The following ERLEC1 variants were observed in gnomAD, a reference collection of about 807,000 sequenced individuals.
The protein encoded by ERLEC1 is ER lectin.
Under a neutral mutation model 68.0 loss-of-function variants are expected in ERLEC1, and 47 were observed. The observed-to-expected ratio is 0.69, with a 90% confidence interval of 0.55 to 0.88. The LOEUF (loss-of-function observed/expected upper bound fraction) is 0.88. Ranked by LOEUF, ERLEC1 falls within the 40% of genes least tolerant of loss-of-function variation. The pLI, the probability that ERLEC1 is intolerant of heterozygous loss-of-function variation, is 0.00. For synonymous variants in ERLEC1, 225 were observed against 203.2 expected, an observed-to-expected ratio of 1.11 and a Z score of -0.91; for missense variants, 567 against 583.8, an observed-to-expected ratio of 0.97 and a Z score of 0.30.
intron 8 of ERLEC1, among the ~76,000 whole-genome samples, chr2:53,804,730 T>C (rs1358033823): frequency 6.6e-6 from 1 of 152,128 alleles, no homozygotes; most frequent in Non-Finnish European, 1.5e-5. Flanking sequence ...TGTTGTTCTA[T>C]CAAGTAGTAG....
rs150756012 is a variant in ERLEC1, at chr2:53,812,946, T to C, written c.1102-3T>C. On this transcript the variant is annotated splice_region_variant and splice_polypyrimidine_tract_variant and intron_variant, in intron 10 of 13. Transcript: ENST00000185150. Reference sequence around the variant, plus strand: ...ATTATCACAAATTTTTTTCCCATATTAGGACAAGGATAGTGGGAAAACCTC... The same window carrying C: ...ATTATCACAAATTTTTTTCCCATATCAGGACAAGGATAGTGGGAAAACCTC... 5.8e-5 allele frequency: 93 copies of C among 1,601,120 alleles called. No homozygotes were observed. In the East Asian group the frequency reaches 1.9e-3, roughly 33 times the overall value.
intron 5 of ERLEC1, 94 bp downstream of exon 5, chr2:53,797,889 TGTGTGAA>T: frequency 8.6e-7 from 1 of 1,165,464 alleles, no homozygotes; most frequent in Non-Finnish European, 1.3e-6. Context: ...TTTTGGACAT[TGTGTGAA>T]TTTTAAAATA....
intron 8 of ERLEC1, among the ~76,000 whole-genome samples, chr2:53,806,762 A>C (rs1412732822): frequency 2.0e-5 from 3 of 152,214 alleles, no homozygotes; most frequent in African/African-American, 7.2e-5. Context: ...TATCCACCAT[A>C]TATTTATTGG....
chr2:53,792,108 G>T (rs1329898024), intron 1 of ERLEC1, among the ~76,000 whole-genome samples: 1 of 151,698 alleles, frequency 6.6e-6, no homozygotes, highest in Non-Finnish European at 1.5e-5. Context: ...TAGAGACAGG[G>T]TTTCACCGTC....
At chr2:53,812,669 G>A (rs1044062230) in intron 10 of ERLEC1, among the ~76,000 whole-genome samples, 2 of 152,024 alleles carry the variant, frequency 1.3e-5, no homozygotes, top group African/African-American at 4.8e-5. Flanking sequence ...AGAACTGATG[G>A]GACTTACCTG....
At chr2:53,789,037 A>C (rs182229356) in intron 1 of ERLEC1, among the ~76,000 whole-genome samples, 1 of 151,648 alleles carries the variant, frequency 6.6e-6, no homozygotes, top group Non-Finnish European at 1.5e-5. Context: ...TTGTCATTCC[A>C]TTTTCTTTCA....
chr2:53,793,526 C>G (rs1488752273), intron 1 of ERLEC1, among the ~76,000 whole-genome samples: 1 of 152,182 alleles, frequency 6.6e-6, no homozygotes, highest in Non-Finnish European at 1.5e-5. Context: ...TAAATATTTA[C>G]TCTCTGGCCC....
intron 1 of ERLEC1, 112 bp from the exon 2 acceptor site, chr2:53,794,233 T>C: frequency 2.0e-6 from 1 of 509,714 alleles, no homozygotes; most frequent in Non-Finnish European, 3.5e-6. Context: ...AATAATCATC[T>C]GTTGAAATGT....
chr2:53,815,295 C>T lies in ERLEC1; in HGVS notation c.1380+360C>T, dbSNP rs140576319. ...TGCTGGGATTACAGGTGTGAGCCACCACGCCCGGCTGCCATGTTTTAATTT... is the reference window on the plus strand; with the variant it reads ...TGCTGGGATTACAGGTGTGAGCCACTACGCCCGGCTGCCATGTTTTAATTT... On this transcript the variant is annotated intron_variant, in intron 13 of 13. Coordinates refer to ENST00000185150, the MANE Select transcript of ERLEC1 (RefSeq NM_015701.5). Among the ~76,000 whole-genome samples the T allele has an allele frequency of 7.3e-3, 1,112 of 152,186 alleles. 17 individuals are homozygous for T. Among genetic ancestry groups the T allele is most frequent in the African/African-American group, 0.026 (1,066 of 41,518 alleles).
At chr2:53,796,376 G>A (rs1675703487) in intron 3 of ERLEC1, among the ~76,000 whole-genome samples, 1 of 151,420 alleles carries the variant, frequency 6.6e-6, no homozygotes. Flanking sequence ...ATATAAATGA[G>A]AACATACAGT....
chr2:53,805,002 T>TC (rs1465710860), intron 8 of ERLEC1, among the ~76,000 whole-genome samples: 2 of 144,676 alleles, frequency 1.4e-5, no homozygotes, highest in South Asian at 4.6e-4. Flanking sequence ...TTTTTTTTTT[T>TC]TTTTTTTTTT....
chr2:53,816,047 C>G (rs374190934), intron 13 of ERLEC1, among the ~76,000 whole-genome samples: 6 of 151,796 alleles, frequency 4.0e-5, no homozygotes, highest in African/African-American at 1.2e-4. Context: ...CCATGCTGGT[C>G]TCAAACTCCT....
chr2:53,799,123 GT>G, intron 6 of ERLEC1, 42 bp downstream of exon 6: 1 of 1,545,140 alleles, frequency 6.5e-7, no homozygotes. Context: ...AACACTTATT[GT>G]TAGTGAGGTA....
intron 8 of ERLEC1, among the ~76,000 whole-genome samples, chr2:53,804,989 CTTTTTTTTTTTT>C (rs746963770): frequency 2.0e-5 from 2 of 98,218 alleles, no homozygotes; most frequent in African/African-American, 3.8e-5. Flanking sequence ...GACAGGATCT[CTTTTTTTTTTTT>C]TTTTTTTTTT....
intron 1 of ERLEC1, among the ~76,000 whole-genome samples, chr2:53,788,180 C>T (rs1675177751): frequency 6.6e-6 from 1 of 152,100 alleles, no homozygotes; most frequent in African/African-American, 2.4e-5. Context: ...AATTGAAGTC[C>T]CGGAAAAAGC....
Position 53,797,557 on chromosome 2 carries a change from A to G in ERLEC1, c.391A>G (p.Ile131Val). 6.2e-7 allele frequency: 1 copy of G among 1,613,062 alleles called. No homozygotes were observed. Among genetic ancestry groups the G allele is most frequent in the Non-Finnish European group, 8.5e-7 (1 of 1,179,692 alleles). ...WTYEVCHGKH[I>V]RQYHEEKETG... ...TTACGAAGTATGTCATGGAAAACAC[A>G]TTCGGCAGTACCATGAAGAGAAAGA... Residue 131 changes from isoleucine (I) to valine (V), a missense_variant, in exon 4 of 14, where the codon ATT becomes GTT. Transcript: ENST00000185150.
rs772083446 is a variant in ERLEC1, at chr2:53,799,052, G to C, written c.496G>C (p.Glu166Gln). Residue 166 changes from glutamate (E) to glutamine (Q), a missense_variant, in exon 6 of 14, where the codon GAA becomes CAA. Glu to Gln is a conservative substitution (Grantham distance 29). Coordinates refer to ENST00000185150, the MANE Select transcript of ERLEC1 (RefSeq NM_015701.5). The stretch of plus-strand genomic sequence containing the variant: ...CTTACCTTATTATTCCACAGAACGA[G>C]AAGCAGAAGAAAAGGAAAAATCAAA... ...AKNLLFEKER[E>Q]AEEKEKSNEI... The C allele has an allele frequency of 1.9e-6, 3 of 1,612,490 alleles. No individual in the cohort carries two copies. The South Asian group carries it at 3.3e-5, about 18-fold the overall frequency.
At chr2:53,795,894 TAGAAAA>T (rs1258921370) in intron 2 of ERLEC1, 33 bp from the exon 3 acceptor site, 1 of 1,376,698 alleles carries the variant, frequency 7.3e-7, no homozygotes, top group East Asian at 2.3e-5. Flanking sequence ...GGTGAAATTC[TAGAAAA>T]ACTGTAAGTA....
chr2:53,802,820 C>G (rs1483655442), intron 8 of ERLEC1, among the ~76,000 whole-genome samples: 1 of 152,134 alleles, frequency 6.6e-6, no homozygotes, highest in Non-Finnish European at 1.5e-5. Flanking sequence ...CAGTCTCCGC[C>G]TCCCTAGTTC....
Sources: allele counts gnomAD v4.1 joint callset (sites outside exome capture counted in the v4.1 genomes callset), GRCh38; gene constraint gnomAD v4.1.1; transcripts MANE v1.5; gene names NCBI Gene and HGNC (gene_info 2026-07-23, HGNC 2026-07-21).